OSBPL7: variants seen among roughly 807,000 people sequenced by gnomAD.
OSBPL7 encodes oxysterol-binding protein-related protein 7.
Under a neutral mutation model 115.8 loss-of-function variants are expected in OSBPL7, and 66 were observed. The observed-to-expected ratio is 0.57, with a 90% confidence interval of 0.47 to 0.70. OSBPL7 has a LOEUF of 0.70. Ranked by LOEUF, OSBPL7 falls within the 30% of genes least tolerant of loss-of-function variation. OSBPL7 has a pLI of 0.00. For synonymous variants in OSBPL7, 441 were observed against 439.2 expected (o/e 1.00, Z -0.05); for missense variants, 902 against 1,125.5 (o/e 0.80, Z 2.84).
chr17:47,809,071 C>T lies in OSBPL7; in HGVS notation c.2170+5G>A, dbSNP rs369717041. On this transcript the variant is annotated splice_donor_5th_base_variant and intron_variant, in intron 20 of 22. Coordinates refer to ENST00000007414, the MANE Select transcript of OSBPL7 (RefSeq NM_145798.3). ...CACCCAGCCCTCTGTGACCCCTCCA[C>T]TTACTGGGTTTCCAGATGCACTGGC... is the stretch of plus-strand genomic sequence containing the variant. The T allele has an allele frequency of 4.3e-6, 7 of 1,613,892 alleles. No individual in the cohort carries two copies. In the African/African-American group the frequency reaches 8.0e-5, roughly 18 times the overall value.
intron 7 of OSBPL7, among the ~76,000 whole-genome samples, 184 bp downstream of exon 7, chr17:47,818,085 T>C (rs908473659): frequency 6.6e-6 from 1 of 152,228 alleles, no homozygotes; most frequent in African/African-American, 2.4e-5. Context: ...CCAGGCAGAC[T>C]CTTACTCCTC....
rs142011621 is a variant in OSBPL7, at chr17:47,815,247, C to A, written c.1225G>T (p.Val409Phe). Residue 409 changes from valine to phenylalanine, a missense_variant, in exon 13 of 23, where the codon GTT becomes TTT. This residue lies in a region of OSBPL7 where 667 missense variants were observed against 788.7 expected (regional missense o/e 0.85). Transcript: ENST00000007414. ...SHTEFFDACE[V>F]LLSASSSENE... ...TCAGAAGAGCTGGCGGAGAGGAGAA[C>A]CTCGCAGGCATCGAAGAACTCCGTG... 10 of 1,613,834 alleles carry A rather than the reference C, an allele frequency of 6.2e-6. No individual in the cohort carries two copies. Among genetic ancestry groups the A allele is most frequent in the African/African-American group, 5.3e-5 (4 of 75,042 alleles).
chr17:47,815,789 C>T (rs1377407855), intron 12 of OSBPL7: 5 of 331,552 alleles, frequency 1.5e-5, no homozygotes, highest in Non-Finnish European at 2.2e-5. Context: ...GCTCAGAGCC[C>T]GAGTCTCAGT....
rs1241230153 is a variant in OSBPL7 at position 47,820,004 on chromosome 17, CT to C, written c.167del (p.Lys56ArgfsTer7). 6.7e-7 allele frequency: 1 copy of C among 1,487,878 alleles called. No individual in the cohort carries two copies. The highest frequency in any genetic ancestry group is 1.1e-5 in the South Asian group (1 of 89,328). The allele number at this position is 1,487,878 out of a possible 1,614,324, so 92.2% of individuals were successfully genotyped here. A position where few individuals can be genotyped will look rare whatever the true frequency, so the allele number is the denominator to read the frequency against. ...AGCCCTTCAGAGGCCACTTCCTCTTCTTGAGCAGGTGACCTTCCTGCCTCTC... is the reference window on the plus strand; with the variant it reads ...AGCCCTTCAGAGGCCACTTCCTCTTCTGAGCAGGTGACCTTCCTGCCTCTC... ...MPERQEGHLL[K>X]KRKWPLKGWH... On this transcript the variant is annotated frameshift_variant, in exon 3 of 23. Coordinates refer to ENST00000007414, the MANE Select transcript of OSBPL7 (RefSeq NM_145798.3). LOFTEE classifies it high-confidence loss of function.
At chr17:47,814,490 A>ACCCCC in intron 14 of OSBPL7, 31 bp downstream of exon 14, 1 of 334,272 alleles carries the variant, frequency 3.0e-6, no homozygotes. Flanking sequence ...CCCGCCTCCC[A>ACCCCC]CCCCTCCCTG....
intron 14 of OSBPL7, among the ~76,000 whole-genome samples, chr17:47,814,080 C>T (rs2033137313): frequency 6.6e-6 from 1 of 152,218 alleles, no homozygotes; most frequent in South Asian, 2.1e-4. Context: ...CTGCCAGAAA[C>T]CCTGCACCCC....
At position 47,819,779 on chromosome 17, in the gene OSBPL7, A is replaced by T; in HGVS notation, c.205T>A (p.Tyr69Asn). Residue 69 changes from tyrosine (Y) to asparagine (N), a missense_variant, in exon 4 of 23, where the codon TAC (tyrosine) becomes AAC (asparagine). By Grantham distance (143) the Tyr-to-Asn change is moderately radical. Transcript: ENST00000007414. ...KWPLKGWHKR[Y>N]FVLEDGILHY... is the part of the protein sequence containing the mutation. ...AGGATCCCGTCCTCGAGCACAAAGT[A>T]TCTCTGTGATGTTGCCCAGGAGTGA... is the stretch of plus-strand genomic sequence containing the variant. 6.2e-7 allele frequency: 1 copy of T among 1,614,132 alleles called. No homozygotes were observed. Among genetic ancestry groups the T allele is most frequent in the Non-Finnish European group, 8.5e-7 (1 of 1,180,010 alleles).
chr17:47,820,420 C>T, intron 1 of OSBPL7, 55 bp from the exon 2 acceptor site: 1 of 712,474 alleles, frequency 1.4e-6, no homozygotes, highest in Non-Finnish European at 2.3e-6. Context: ...CCTTCCCCAC[C>T]TCCAGCCCCT....
In OSBPL7 at chr17:47,807,918, TGGG is replaced by T; in HGVS notation, c.*370_*372del. The T allele has an allele frequency of 4.0e-6, 1 of 250,598 alleles. No individual in the cohort carries two copies. Among genetic ancestry groups the T allele is most frequent in the South Asian group, 6.4e-5 (1 of 15,660 alleles). 15.5% of individuals were successfully genotyped at this position (250,598 alleles called of 1,614,324 possible). On this transcript the variant is annotated 3_prime_UTR_variant, in exon 23 of 23. Transcript: ENST00000007414. ...GACAGAGGCCTGGGCACAGAAAGCC[TGGG>T]GAGCGTCAAGGAGTCCCCTGTGTCC...
At chr17:47,813,924 T>C in intron 14 of OSBPL7, 90 bp from the exon 15 acceptor site, 2 of 1,463,582 alleles carry the variant, frequency 1.4e-6, no homozygotes, top group South Asian at 2.7e-5. Flanking sequence ...CCCAGCTGCC[T>C]CCCAAGCCCC....
Position 47,816,366 on chromosome 17 carries a change from C to T in OSBPL7, c.1023+22G>A, listed in dbSNP as rs1484753507. The T allele has an allele frequency of 6.7e-7, 1 of 1,489,590 alleles. No homozygotes were observed. Among genetic ancestry groups the T allele is most frequent in the Non-Finnish European group, 9.0e-7 (1 of 1,116,208 alleles). The allele number at this position is 1,489,590 out of a possible 1,614,324, so 92.3% of individuals were successfully genotyped here. On this transcript the variant is annotated intron_variant, in intron 11 of 22. Coordinates refer to ENST00000007414, the MANE Select transcript of OSBPL7 (RefSeq NM_145798.3). The surrounding 1 kb of genome is among the most constrained non-coding windows in gnomAD (Gnocchi z 5.8). ...CTTGAAGCCCTCTCCCCGCACCAGT[C>T]ACCCTGTCCCCCAGGCCTCACCCCC...
Position 47,817,239 on chromosome 17 carries a change from G to C in OSBPL7, c.702+17C>G. On this transcript the variant is annotated intron_variant, in intron 8 of 22. Transcript: ENST00000007414. ...CGGGGGCCTGAGCAGGACCCTGTGT[G>C]TACCCCTGGATCTTACCTGGTGTGT... The C allele has an allele frequency of 6.4e-7, 1 of 1,569,430 alleles. No homozygotes were observed. Among genetic ancestry groups the C allele is most frequent in the East Asian group, 2.2e-5 (1 of 44,630 alleles).
Position 47,819,106 on chromosome 17 carries a change from G to T in OSBPL7, c.256-7C>A, listed in dbSNP as rs188653032. On this transcript the variant is annotated splice_region_variant and splice_polypyrimidine_tract_variant and intron_variant, in intron 4 of 22. Coordinates refer to ENST00000007414, the MANE Select transcript of OSBPL7 (RefSeq NM_145798.3). ...GGAGCTTCCCCTTGGTGATCTGGGG[G>T]TGAAGTGTTGGTAGAGGGAGAGGGG... 2 of 1,612,024 alleles carry T rather than the reference G, an allele frequency of 1.2e-6. No individual in the cohort carries two copies. The highest frequency in any genetic ancestry group is 1.7e-6 in the Non-Finnish European group (2 of 1,178,138).
rs368341735 is a variant in OSBPL7, at chr17:47,813,541, A to C, written c.1599+46T>G. On this transcript the variant is annotated intron_variant, in intron 15 of 22. Coordinates refer to ENST00000007414, the MANE Select transcript of OSBPL7 (RefSeq NM_145798.3). The stretch of plus-strand genomic sequence containing the variant: ...TTTTCTGGGAGAAAAGATCCCAGGG[A>C]GAAGGAAGCAGCCTTGGGCTGGGCG... 6.4e-4 allele frequency: 1,011 copies of C among 1,589,574 alleles called. 1 individual carries two copies. The highest frequency in any genetic ancestry group is 8.4e-4 in the Non-Finnish European group (976 of 1,166,110).
At chr17:47,810,896 T>C (rs2033021333) in intron 16 of OSBPL7, 61 bp from the exon 17 acceptor site, 1 of 1,509,152 alleles carries the variant, frequency 6.6e-7, no homozygotes, top group Non-Finnish European at 9.1e-7. Flanking sequence ...TACCCCAAAG[T>C]CCCTTATTCC....
intron 18 of OSBPL7, 117 bp from the exon 19 acceptor site, chr17:47,809,595 C>A: frequency 1.7e-6 from 2 of 1,181,238 alleles, no homozygotes; most frequent in Non-Finnish European, 2.4e-6. Context: ...CCTGGGGTCC[C>A]AACTCCAGTT....
Position 47,808,279 on chromosome 17 carries a change from C to T in OSBPL7, c.*12G>A. 2 of 1,599,104 alleles carry T rather than the reference C, an allele frequency of 1.3e-6. No individual in the cohort carries two copies. The highest frequency in any genetic ancestry group is 1.7e-6 in the Non-Finnish European group (2 of 1,167,734). On this transcript the variant is annotated 3_prime_UTR_variant, in exon 23 of 23. Coordinates refer to ENST00000007414, the MANE Select transcript of OSBPL7 (RefSeq NM_145798.3). This position sits in a 1 kb window ranked among gnomAD's most constrained non-coding sequence, Gnocchi z 6.1. ...AGTGAGGAACCAGAGCCTCCTGCCC[C>T]CGGGGCCAGGGCTACCAGAGCACGG...
chr17:47,813,244 C>T, intron 16 of OSBPL7, 22 bp downstream of exon 16: 1 of 1,613,156 alleles, frequency 6.2e-7, no homozygotes, highest in Non-Finnish European at 8.5e-7. Context: ...CCAAGGCCAG[C>T]CCTCTTCTCC....
intron 12 of OSBPL7, chr17:47,815,886 G>A (rs1333682524): frequency 4.1e-6 from 2 of 491,350 alleles, no homozygotes; most frequent in South Asian, 5.7e-5. Flanking sequence ...GAGAATCACT[G>A]CATCAGAGGA....
Sources: allele counts gnomAD v4.1 joint callset (sites outside exome capture counted in the v4.1 genomes callset), GRCh38; gene constraint gnomAD v4.1.1; regional missense constraint gnomAD v4.1.1; non-coding constraint Gnocchi (gnomAD v3.1); transcripts MANE v1.5; gene names NCBI Gene and HGNC (gene_info 2026-07-23, HGNC 2026-07-21).